Variants in ADAMTSL1 observed in about 807,000 individuals in gnomAD.
ADAMTSL1 encodes ADAMTS-like protein 1.
Under a neutral mutation model 201.8 loss-of-function variants are expected in ADAMTSL1, and 126 were observed. That is an observed-to-expected ratio of 0.62 (90% CI 0.54 to 0.72). The LOEUF (loss-of-function observed/expected upper bound fraction) is 0.72. Among genes scored for constraint, ADAMTSL1 ranks in the 30% least tolerant of loss-of-function variants. ADAMTSL1 has a pLI of 0.00. For missense variants in ADAMTSL1, 2,679 were observed against 2,277.8 expected (o/e 1.18, Z -3.59); for synonymous variants, 1,121 against 903.4 (o/e 1.24, Z -4.32).
chr9:18,551,758 G>A (rs536354221), intron 3 of ADAMTSL1, among the ~76,000 whole-genome samples: 28 of 151,744 alleles, frequency 1.8e-4, no homozygotes, highest in Non-Finnish European at 1.3e-4. Flanking sequence ...TAAACATGTA[G>A]GTCAGTGCCT....
At chr9:18,356,154 C>T (rs1181120848) in intron 2 of ADAMTSL1, among the ~76,000 whole-genome samples, 4 of 152,200 alleles carry the variant, frequency 2.6e-5, no homozygotes, top group African/African-American at 4.8e-5. Context: ...GGGGGTGTCT[C>T]CCTACCCAAA....
chr9:18,395,920 G>A (rs939058585), intron 2 of ADAMTSL1, among the ~76,000 whole-genome samples: 3 of 152,176 alleles, frequency 2.0e-5, no homozygotes, highest in African/African-American at 7.2e-5. Flanking sequence ...ACCCCTATAT[G>A]TTGTCTTCTG....
chr9:18,209,591 C>T (rs1318375751), intron 2 of ADAMTSL1, among the ~76,000 whole-genome samples: 7 of 152,156 alleles, frequency 4.6e-5, no homozygotes, highest in Non-Finnish European at 8.8e-5. Flanking sequence ...CACCTGAATT[C>T]AGTTTAATTA....
chr9:17,918,456 T>G (rs1388343790), intron 1 of ADAMTSL1, among the ~76,000 whole-genome samples: 1 of 151,910 alleles, frequency 6.6e-6, no homozygotes, highest in African/African-American at 2.4e-5. Context: ...TATCTTTGTG[T>G]TATTGATTTC....
At chr9:18,647,017 C>A (rs1827857585) in intron 7 of ADAMTSL1, among the ~76,000 whole-genome samples, 2 of 152,072 alleles carry the variant, frequency 1.3e-5, no homozygotes, top group Admixed American at 6.6e-5. Context: ...TCCATCTGGT[C>A]CTGGACTCTT....
intron 2 of ADAMTSL1, among the ~76,000 whole-genome samples, chr9:18,270,513 A>G (rs1254557964): frequency 1.3e-5 from 2 of 152,230 alleles, no homozygotes; most frequent in East Asian, 1.9e-4. Flanking sequence ...TTATAAAATG[A>G]TAATAATTGA....
intron 2 of ADAMTSL1, among the ~76,000 whole-genome samples, chr9:18,217,965 C>A (rs1830115315): frequency 1.3e-5 from 2 of 151,790 alleles, no homozygotes; most frequent in Admixed American, 6.6e-5. Flanking sequence ...ATTTGAAGTT[C>A]TTTTTAGCAA....
chr9:18,024,367 T>C (rs991218191), intron 1 of ADAMTSL1, among the ~76,000 whole-genome samples: 2 of 152,034 alleles, frequency 1.3e-5, no homozygotes, highest in East Asian at 1.9e-4. Flanking sequence ...ATCACCCAGG[T>C]AGAGAGCACA....
At chr9:18,404,186 A>T (rs1818093907) in intron 2 of ADAMTSL1, among the ~76,000 whole-genome samples, 1 of 152,196 alleles carries the variant, frequency 6.6e-6, no homozygotes, top group Non-Finnish European at 1.5e-5. Flanking sequence ...TTTTATTTCA[A>T]GTATCTGTGA....
At chr9:18,198,491 A>C (rs2132262544) in intron 2 of ADAMTSL1, among the ~76,000 whole-genome samples, 1 of 150,026 alleles carries the variant, frequency 6.7e-6, no homozygotes, top group South Asian at 2.1e-4. Flanking sequence ...TTATGCAGCC[A>C]AAAAACACAT....
Position 18,558,859 on chromosome 9 carries a change from T to C in ADAMTSL1, c.238-15171T>C, listed in dbSNP as rs188574369. The stretch of plus-strand genomic sequence containing the variant: ...ATTTGCCCACTTTTTGATAGGGTTG[T>C]TTTTTTCTGGTAAATTTGTTTAAGT... On this transcript the variant is annotated intron_variant, in intron 3 of 28. Coordinates refer to ENST00000380548, the MANE Select transcript of ADAMTSL1 (RefSeq NM_001040272.6). Among the ~76,000 whole-genome samples, 57 of 152,042 alleles carry C rather than the reference T, an allele frequency of 3.7e-4. No homozygotes were observed. In the Middle Eastern group the frequency reaches 0.017, roughly 45 times the overall value.
At chr9:18,766,670 G>A (rs976665231) in intron 16 of ADAMTSL1, among the ~76,000 whole-genome samples, 2 of 152,148 alleles carry the variant, frequency 1.3e-5, no homozygotes, top group African/African-American at 4.8e-5. Context: ...CCTCTTTCTG[G>A]TTCATAGATG....
chr9:18,854,353 TGAAAG>T (rs1016539392), intron 23 of ADAMTSL1, among the ~76,000 whole-genome samples: 4 of 152,138 alleles, frequency 2.6e-5, no homozygotes, highest in Non-Finnish European at 2.9e-5. Context: ...ACTTTGTTCT[TGAAAG>T]GAGAAAAAGA....
intron 3 of ADAMTSL1, among the ~76,000 whole-genome samples, chr9:18,542,263 A>C (rs898440460): frequency 6.6e-6 from 1 of 152,208 alleles, no homozygotes; most frequent in South Asian, 2.1e-4. Context: ...TTTGAAACAA[A>C]GAAAAAAAAT....
chr9:18,514,532 G>C (rs571344573), intron 2 of ADAMTSL1, among the ~76,000 whole-genome samples: 1 of 151,806 alleles, frequency 6.6e-6, no homozygotes, highest in Non-Finnish European at 1.5e-5. Context: ...GGGTTTCACC[G>C]TGTTCACCAG....
intron 20 of ADAMTSL1, among the ~76,000 whole-genome samples, chr9:18,798,975 C>T (rs181646685): frequency 2.4e-4 from 36 of 151,714 alleles, no homozygotes; most frequent in Admixed American, 2.0e-3. Flanking sequence ...TCTTCCATTA[C>T]GTGCTGATTT....
chr9:18,522,610 G>T lies in ADAMTSL1; in HGVS notation c.192-10637G>T, dbSNP rs185330298. On this transcript the variant is annotated intron_variant, in intron 2 of 28. Coordinates refer to ENST00000380548, the MANE Select transcript of ADAMTSL1 (RefSeq NM_001040272.6). ...CCCCCCTCCCCACACCCCATGACAGGCCCCAGTGTGTGATGTTCCCCTTCC... is the reference window on the plus strand; with the variant it reads ...CCCCCCTCCCCACACCCCATGACAGTCCCCAGTGTGTGATGTTCCCCTTCC... 7.7e-3 allele frequency among the ~76,000 whole-genome samples: 1,067 copies of T among 138,276 alleles called. 10 individuals are homozygous for T. Among genetic ancestry groups the T allele is most frequent in the East Asian group, 0.033 (160 of 4,876 alleles). The allele number at this position is 138,276 out of a possible 152,430, so 90.7% of individuals were successfully genotyped here.
chr9:18,893,338 A>C (rs370571883), intron 26 of ADAMTSL1, among the ~76,000 whole-genome samples: 1 of 152,150 alleles, frequency 6.6e-6, no homozygotes, highest in East Asian at 1.9e-4. Context: ...TGTGTCATCA[A>C]GGTCACTCAA....
intron 1 of ADAMTSL1, among the ~76,000 whole-genome samples, chr9:18,045,244 G>C (rs186713894): frequency 6.6e-6 from 1 of 152,134 alleles, no homozygotes; most frequent in Non-Finnish European, 1.5e-5. Flanking sequence ...TCACAACTGA[G>C]TATATGTAGT....
Sources: allele counts gnomAD v4.1 joint callset (sites outside exome capture counted in the v4.1 genomes callset), GRCh38; gene constraint gnomAD v4.1.1; transcripts MANE v1.5; gene names NCBI Gene and HGNC (gene_info 2026-07-23, HGNC 2026-07-21).